The following GFPT2 variants were observed in gnomAD, a reference collection of about 807,000 sequenced individuals.
The protein encoded by GFPT2 is glutamine--fructose-6-phosphate aminotransferase [isomerizing] 2.
A neutral mutation model predicts 85.6 loss-of-function variants in GFPT2; 62 were observed. The ratio of observed to expected loss-of-function variants is 0.72; its 90% confidence interval spans 0.59 to 0.90. GFPT2 has a LOEUF of 0.90. GFPT2 is among the 40% of genes least tolerant of loss of function. GFPT2 has a pLI of 0.00. For missense variants in GFPT2, 788 were observed against 893.4 expected (o/e 0.88, Z 1.50); for synonymous variants, 368 against 344.5 (o/e 1.07, Z -0.75).
intron 18 of GFPT2, among the ~76,000 whole-genome samples, chr5:180,301,880 AG>A (rs1446438317): frequency 6.6e-6 from 1 of 151,878 alleles, no homozygotes; most frequent in South Asian, 2.1e-4. Context: ...TTTTAAACAC[AG>A]GTAACTTGGT....
In GFPT2 at chr5:180,304,841, G is replaced by C. The variant is rs1561870783; in HGVS notation, c.1773C>G (p.Ile591Met). ...LALIDKQMPVIMVIMKDPCFA... is the reference protein window; with the variant it reads ...LALIDKQMPVMMVIMKDPCFA... ...AGCAAGGATCCTTCATAATGACCAT[G>C]ATGACGGGCATCTGCTTGTCAATCA... The change falls in exon 17 of 19, where the codon ATC becomes ATG. Residue 591 changes from isoleucine to methionine, a missense_variant. Coordinates refer to ENST00000253778, the MANE Select transcript of GFPT2 (RefSeq NM_005110.4). 2 of 1,613,812 alleles carry C rather than the reference G, an allele frequency of 1.2e-6. No individual in the cohort carries two copies. The highest frequency in any genetic ancestry group is 1.3e-5 in the African/African-American group (1 of 74,944).
At position 180,323,537 on chromosome 5, in the gene GFPT2, T is replaced by C. The variant is rs1561877870; in HGVS notation, c.794+651A>G. ...AAAGTGCTCTGGTTCTCTCTCTCCC[T>C]CTCTCTCTCTCTGTGTGTGTGTGAG... On this transcript the variant is annotated intron_variant, in intron 9 of 18. Coordinates refer to ENST00000253778, the MANE Select transcript of GFPT2 (RefSeq NM_005110.4). This position sits in a 1 kb window ranked among gnomAD's most constrained non-coding sequence, Gnocchi z 4.0. Among the ~76,000 whole-genome samples the C allele has an allele frequency of 6.6e-6, 1 of 150,826 alleles. No homozygotes were observed. Among genetic ancestry groups the C allele is most frequent in the Non-Finnish European group, 1.5e-5 (1 of 67,580 alleles).
intron 16 of GFPT2, among the ~76,000 whole-genome samples, chr5:180,306,387 A>C (rs1214105597): frequency 1.3e-5 from 2 of 152,196 alleles, no homozygotes; most frequent in Admixed American, 6.5e-5. Context: ...GTGCAGCCTC[A>C]GCTGGAGCAC....
intron 4 of GFPT2, among the ~76,000 whole-genome samples, chr5:180,334,627 G>GACAT (rs1170196382): frequency 6.6e-6 from 1 of 152,244 alleles, no homozygotes; most frequent in Non-Finnish European, 1.5e-5. Flanking sequence ...CTATGCCAGA[G>GACAT]GATGTCTTGG....
At chr5:180,302,690 CT>C in intron 17 of GFPT2, 106 bp from the exon 18 acceptor site, 10 of 841,526 alleles carry the variant, frequency 1.2e-5, no homozygotes, top group Non-Finnish European at 1.6e-5. Flanking sequence ...GAACAGTCCT[CT>C]TTTGCATTTG....
intron 15 of GFPT2, among the ~76,000 whole-genome samples, chr5:180,309,655 G>A (rs1026970644): frequency 2.6e-5 from 4 of 151,478 alleles, no homozygotes; most frequent in Non-Finnish European, 5.9e-5. Context: ...CAGGTGATCC[G>A]CTCGCCTTGG....
Position 180,316,817 on chromosome 5 carries a change from ATCG to A in GFPT2, c.1096_1098del (p.Arg366del), listed in dbSNP as rs754641704. ...CAGCCAATCACGATGAGCCGTCGGCATCGTCGAATCTCCTTCAAGTGGTCCTTC... is the reference window on the plus strand; with the variant it reads ...CAGCCAATCACGATGAGCCGTCGGCATCGAATCTCCTTCAAGTGGTCCTTC... On this transcript the variant is annotated inframe_deletion, in exon 12 of 19. Transcript: ENST00000253778. The A allele has an allele frequency of 4.5e-5, 72 of 1,614,068 alleles. No individual in the cohort carries two copies. Among genetic ancestry groups the A allele is most frequent in the Non-Finnish European group, 5.9e-5 (70 of 1,180,014 alleles).
At chr5:180,338,461 C>G in intron 2 of GFPT2, 32 bp downstream of exon 2, 1 of 1,249,098 alleles carries the variant, frequency 8.0e-7, no homozygotes, top group South Asian at 1.2e-5. Flanking sequence ...GAGCCCGGTC[C>G]CCAGCCACGA....
At position 180,336,499 on chromosome 5, in the gene GFPT2, GC is replaced by G. The variant is rs1432074060; in HGVS notation, c.193del (p.Ala65LeufsTer14). 1.2e-6 allele frequency: 2 copies of G among 1,602,312 alleles called. No homozygotes were observed. The highest frequency in any genetic ancestry group is 1.7e-6 in the Non-Finnish European group (2 of 1,169,124). The stretch of plus-strand genomic sequence containing the variant: ...CTTACTGTAAAGTTCTTCATCGAGA[GC>G]CTTGACTTTCCCCCTTTTCTTGACC... The part of the protein sequence containing the change: ...QLVKKRGKVK[A>X]LDEELYKQDS... On this transcript the variant is annotated frameshift_variant, in exon 3 of 19. Transcript: ENST00000253778. LOFTEE classifies it high-confidence loss of function.
intron 14 of GFPT2, 44 bp downstream of exon 14, chr5:180,313,763 T>C: frequency 6.6e-7 from 1 of 1,509,192 alleles, no homozygotes; most frequent in Non-Finnish European, 8.9e-7. Context: ...TGCACCTGCC[T>C]CCGCCAGGCT....
At chr5:180,307,363 A>G in intron 15 of GFPT2, 60 bp from the exon 16 acceptor site, 5 of 1,549,106 alleles carry the variant, frequency 3.2e-6, no homozygotes, top group Admixed American at 1.7e-5. Context: ...AGCAATATTC[A>G]TGAAGACAAA....
chr5:180,317,901 C>T (rs962149983), intron 10 of GFPT2, among the ~76,000 whole-genome samples: 100 of 152,228 alleles, frequency 6.6e-4, no homozygotes, highest in Admixed American at 1.5e-3. Context: ...TACCCACAGG[C>T]AGGGCAGGCC....
In GFPT2 at chr5:180,334,182, C is replaced by T. The variant is rs542291468; in HGVS notation, c.340+1646G>A. 5.3e-5 allele frequency among the ~76,000 whole-genome samples: 8 copies of T among 152,338 alleles called. No homozygotes were observed. The East Asian group carries it at 1.4e-3, about 26-fold the overall frequency. On this transcript the variant is annotated intron_variant, in intron 4 of 18. Transcript: ENST00000253778. ...AAGGAAGAGGCCCTCGCAAAAACCT[C>T]ACTCCCTCAAGACCCTGATCACTAG...
At chr5:180,326,081 A>C (rs999863695) in intron 7 of GFPT2, among the ~76,000 whole-genome samples, 1 of 152,218 alleles carries the variant, frequency 6.6e-6, no homozygotes, top group Non-Finnish European at 1.5e-5. Context: ...TGATATCCTG[A>C]TTCCAAAATC....
chr5:180,302,347 A>T, intron 18 of GFPT2, 76 bp downstream of exon 18: 1 of 1,065,074 alleles, frequency 9.4e-7, no homozygotes, highest in Non-Finnish European at 1.4e-6. Flanking sequence ...TATTTACTCC[A>T]AGTATTTAAA....
intron 8 of GFPT2, 51 bp downstream of exon 8, chr5:180,324,765 G>T: frequency 8.3e-7 from 1 of 1,207,470 alleles, no homozygotes; most frequent in Non-Finnish European, 1.2e-6. Context: ...CAGCTGCCGA[G>T]TCCTGCGACA....
Position 180,301,408 on chromosome 5 carries a change from A to C in GFPT2, c.*156T>G, listed in dbSNP as rs1270977460. ...GAGAAACAGTATCTGCTGTAAGCAA[A>C]AGCACTTGGGTAGAAGGCACGTGGA... On this transcript the variant is annotated 3_prime_UTR_variant, in exon 19 of 19. Coordinates refer to ENST00000253778, the MANE Select transcript of GFPT2 (RefSeq NM_005110.4). The C allele has an allele frequency of 2.9e-6, 2 of 693,088 alleles. No individual in the cohort carries two copies. The highest frequency in any genetic ancestry group is 3.5e-5 in the African/African-American group (2 of 56,364). 42.9% of individuals were successfully genotyped at this position (693,088 alleles called of 1,614,324 possible).
At chr5:180,337,316 G>A (rs1228826547) in intron 2 of GFPT2, among the ~76,000 whole-genome samples, 3 of 152,066 alleles carry the variant, frequency 2.0e-5, no homozygotes, top group Non-Finnish European at 4.4e-5. Flanking sequence ...AGCAGGGTGT[G>A]GTGGTGGGCG....
chr5:180,330,742 G>A lies in GFPT2; in HGVS notation c.492C>T (p.Asp164=), dbSNP rs759544851. 4 of 1,612,730 alleles carry A rather than the reference G, an allele frequency of 2.5e-6. No individual in the cohort carries two copies. In the Admixed American group the frequency reaches 5.0e-5, roughly 20 times the overall value. Residue 164 remains aspartate, a synonymous_variant, in exon 6 of 19, where the codon GAC becomes GAT. Transcript: ENST00000253778. The surrounding 1 kb of genome is among the most constrained non-coding windows in gnomAD (Gnocchi z 4.4). The stretch of plus-strand genomic sequence containing the variant: ...TCTCGACCAACGTTGAAAACGTAAT[G>A]TCCTCAGTTTCTCTGTTGTCGAACA... ...KYVFDNRETE[D]ITFSTLVERV...
Sources: gnomAD v4.1 joint callset for allele counts (sites outside exome capture counted in the v4.1 genomes callset) on GRCh38, gnomAD v4.1.1 for gene constraint, Gnocchi (gnomAD v3.1) non-coding constraint, MANE v1.5 for transcripts, NCBI Gene and HGNC (gene_info 2026-07-23, HGNC 2026-07-21) for gene names.